MRPL1: variants seen among roughly 807,000 people sequenced by gnomAD.
MRPL1 encodes the protein large ribosomal subunit protein uL1m.
A neutral mutation model predicts 38.0 loss-of-function variants in MRPL1; 28 were observed. The ratio of observed to expected loss-of-function variants is 0.74; its 90% CI spans 0.55 to 1.01. The LOEUF (loss-of-function observed/expected upper bound fraction) is 1.01, where lower values mean the gene tolerates loss of function less well. Among genes scored for constraint, MRPL1 ranks in the 50% least tolerant of loss-of-function variants. The probability of loss-of-function intolerance (pLI) is 0.00; values close to 1 mark genes in which losing one functional copy is unlikely to be tolerated. For synonymous variants in MRPL1, 123 were observed against 126.7 expected (o/e 0.97, Z 0.20); for missense variants, 358 against 389.8 (o/e 0.92, Z 0.69).
chr4:77,878,627 C>T (rs1735456023), intron 2 of MRPL1, among the ~76,000 whole-genome samples: 1 of 152,068 alleles, frequency 6.6e-6, no homozygotes, highest in Non-Finnish European at 1.5e-5. Context: ...TGTCTGTAAT[C>T]CTAGCACTTT....
chr4:77,932,705 C>A (rs1736876537), intron 7 of MRPL1, among the ~76,000 whole-genome samples: 1 of 151,968 alleles, frequency 6.6e-6, no homozygotes, highest in Non-Finnish European at 1.5e-5. Context: ...CCCACTGATT[C>A]TACAGCATGG....
chr4:77,862,835 C>A lies in MRPL1; in HGVS notation c.-14C>A. 1 of 1,614,070 alleles carries A rather than the reference C, an allele frequency of 6.2e-7. No individual in the cohort carries two copies. Among genetic ancestry groups the A allele is most frequent in the Non-Finnish European group, 8.5e-7 (1 of 1,179,988 alleles). ...GTAGGAACAATTTCGTGAACGCAAT[C>A]CGGAGTGCCCAACATGGCGGCGGCC... On this transcript the variant is annotated 5_prime_UTR_variant, in exon 1 of 9. Transcript: ENST00000315567.
At chr4:77,918,404 T>G (rs1736475486) in intron 7 of MRPL1, among the ~76,000 whole-genome samples, 1 of 152,196 alleles carries the variant, frequency 6.6e-6, no homozygotes. Flanking sequence ...CACCTCTTTT[T>G]TGTTGTTGCA....
intron 3 of MRPL1, among the ~76,000 whole-genome samples, chr4:77,884,259 AAG>A (rs1258394270): frequency 1.3e-5 from 2 of 151,992 alleles, no homozygotes; most frequent in African/African-American, 2.4e-5. Flanking sequence ...AAAAAAAAAA[AAG>A]AGAATTTGTC....
chr4:77,881,256 T>C (rs1735533846), intron 2 of MRPL1, among the ~76,000 whole-genome samples: 1 of 152,098 alleles, frequency 6.6e-6, no homozygotes, highest in South Asian at 2.1e-4. Context: ...AATTGACCCA[T>C]ACTCAAACTT....
At chr4:77,904,092 A>G (rs1444239398) in intron 6 of MRPL1, among the ~76,000 whole-genome samples, 1 of 151,880 alleles carries the variant, frequency 6.6e-6, no homozygotes, top group African/African-American at 2.4e-5. Context: ...CTTAAAAAAA[A>G]AAAAATCTAC....
intron 2 of MRPL1, among the ~76,000 whole-genome samples, chr4:77,874,098 A>T (rs899521505): frequency 1.3e-5 from 2 of 151,314 alleles, no homozygotes; most frequent in African/African-American, 4.9e-5. Context: ...TCCCGGGTTC[A>T]AATGATTCTC....
chr4:77,919,022 T>C (rs1736501221), intron 7 of MRPL1, among the ~76,000 whole-genome samples: 1 of 152,224 alleles, frequency 6.6e-6, no homozygotes, highest in Admixed American at 6.5e-5. Context: ...TTTCACAAAA[T>C]GACAGAATTA....
At chr4:77,923,254 CCTGA>C (rs1349351897) in intron 7 of MRPL1, among the ~76,000 whole-genome samples, 1 of 151,900 alleles carries the variant, frequency 6.6e-6, no homozygotes, top group Admixed American at 6.6e-5. Flanking sequence ...CACCACCATA[CCTGA>C]CTAATTTTTG....
At chr4:77,927,405 A>T (rs1313810822) in intron 7 of MRPL1, among the ~76,000 whole-genome samples, 2 of 152,170 alleles carry the variant, frequency 1.3e-5, no homozygotes, top group Non-Finnish European at 2.9e-5. Context: ...AGTTAGTGAC[A>T]TCAGTAAGTT....
chr4:77,900,350 GGA>G (rs967811363), intron 6 of MRPL1, among the ~76,000 whole-genome samples: 1 of 152,162 alleles, frequency 6.6e-6, no homozygotes, highest in Non-Finnish European at 1.5e-5. Flanking sequence ...TAAACACTGA[GGA>G]GAGAGAGATG....
At chr4:77,896,149 CT>C (rs527571244) in intron 6 of MRPL1, among the ~76,000 whole-genome samples, 430 of 127,364 alleles carry the variant, frequency 3.4e-3, no homozygotes, top group Non-Finnish European at 4.0e-3. Flanking sequence ...TTTTAGCTTC[CT>C]TTTTTTTTTT....
chr4:77,937,845 AT>A (rs1238766586), intron 7 of MRPL1, among the ~76,000 whole-genome samples: 1 of 152,214 alleles, frequency 6.6e-6, no homozygotes, highest in Admixed American at 6.5e-5. Flanking sequence ...ACTGCTAAGC[AT>A]TTTAAAACAT....
intron 1 of MRPL1, among the ~76,000 whole-genome samples, chr4:77,864,045 C>G (rs556040728): frequency 1.5e-5 from 2 of 136,358 alleles, no homozygotes; most frequent in East Asian, 4.5e-4. Context: ...AAAACTGTGT[C>G]AAGAGAGTTA....
At chr4:77,950,315 T>C (rs1164831487) in intron 8 of MRPL1, among the ~76,000 whole-genome samples, 1 of 152,214 alleles carries the variant, frequency 6.6e-6, no homozygotes, top group Non-Finnish European at 1.5e-5. Context: ...GATCATTTTA[T>C]TATGTCATGA....
chr4:77,936,648 C>T (rs1293351488), intron 7 of MRPL1, among the ~76,000 whole-genome samples: 1 of 152,210 alleles, frequency 6.6e-6, no homozygotes, highest in Admixed American at 6.5e-5. Flanking sequence ...AGAATTGTGA[C>T]AGAGGCCATT....
In MRPL1 at chr4:77,909,318, T is replaced by C; in HGVS notation, c.723T>C (p.His241=). 1 of 1,611,950 alleles carries C rather than the reference T, an allele frequency of 6.2e-7. No individual in the cohort carries two copies. The highest frequency in any genetic ancestry group is 8.5e-7 in the Non-Finnish European group (1 of 1,179,174). ...PKMLELFKNG[H]EIKVDEEREN... is the part of the protein sequence containing the mutation. ...TGCTTGAATTATTTAAAAATGGACATGAAATTAAGGTAGATGAAGAAAGGG... is the reference window on the plus strand; with the variant it reads ...TGCTTGAATTATTTAAAAATGGACACGAAATTAAGGTAGATGAAGAAAGGG... The change falls in exon 7 of 9, where the codon CAT becomes CAC. Residue 241 remains histidine, a synonymous_variant. Coordinates refer to ENST00000315567, the MANE Select transcript of MRPL1 (RefSeq NM_020236.4).
intron 7 of MRPL1, among the ~76,000 whole-genome samples, chr4:77,937,728 A>G (rs1229917048): frequency 2.0e-5 from 3 of 152,194 alleles, no homozygotes; most frequent in African/African-American, 4.8e-5. Context: ...TCTTTAGAAT[A>G]TAGGGTACTG....
intron 5 of MRPL1, among the ~76,000 whole-genome samples, chr4:77,889,877 T>A (rs1735769376): frequency 6.6e-6 from 1 of 152,134 alleles, no homozygotes; most frequent in Admixed American, 6.5e-5. Flanking sequence ...CTAGAAAATC[T>A]AGAAGAAATG....
Sources: gnomAD v4.1 joint callset for allele counts (sites outside exome capture counted in the v4.1 genomes callset) on GRCh38, gnomAD v4.1.1 for gene constraint, MANE v1.5 for transcripts, NCBI Gene and HGNC (gene_info 2026-07-23, HGNC 2026-07-21) for gene names.